SORBS2: variants seen among roughly 807,000 people sequenced by gnomAD.
SORBS2 encodes the protein sorbin and SH3 domain containing 2.
A neutral mutation model predicts 97.7 loss-of-function variants in SORBS2; 46 were observed. That is an observed-to-expected ratio of 0.47 (90% CI 0.37 to 0.60). The LOEUF (loss-of-function observed/expected upper bound fraction) is 0.60, where lower values mean the gene tolerates loss of function less well. SORBS2 is among the 20% of genes least tolerant of loss of function. SORBS2 has a pLI of 0.00. For missense variants in SORBS2, 1,316 were observed against 1,282.3 expected (o/e 1.03, Z -0.40); for synonymous variants, 476 against 473.4 (o/e 1.01, Z -0.07).
At chr4:185,711,144 AT>A (rs34177459) in intron 2 of SORBS2, among the ~76,000 whole-genome samples, 110,022 of 149,146 alleles carry the variant, frequency 0.74, 41,654 homozygotes, top group Non-Finnish European at 0.84. Context: ...AAATCTTTTC[AT>A]TTTTTTTTTG....
Position 185,703,156 on chromosome 4 carries a change from T to A in SORBS2, c.-197-24334A>T, listed in dbSNP as rs141037305. On this transcript the variant is annotated intron_variant, in intron 2 of 20. Transcript: ENST00000284776. Reference sequence around the variant, plus strand: ...TTTATATATTACATGTCTTTCTATATTATCTCCAGTGCCCTACCCTTGAGC... The same window carrying A: ...TTTATATATTACATGTCTTTCTATAATATCTCCAGTGCCCTACCCTTGAGC... Among the ~76,000 whole-genome samples the A allele has an allele frequency of 2.1e-3, 327 of 152,354 alleles. 1 individual carries two copies. Among genetic ancestry groups the A allele is most frequent in the African/African-American group, 7.0e-3 (293 of 41,584 alleles).
At chr4:185,589,464 A>C (rs2095868966) in intron 14 of SORBS2, among the ~76,000 whole-genome samples, 3 of 152,214 alleles carry the variant, frequency 2.0e-5, no homozygotes. Context: ...GTTGGAAATA[A>C]AGCTCGCAGA....
intron 2 of SORBS2, among the ~76,000 whole-genome samples, chr4:185,709,127 C>T (rs2098389192): frequency 6.6e-6 from 1 of 152,110 alleles, no homozygotes; most frequent in African/African-American, 2.4e-5. Flanking sequence ...AAGCGATTCT[C>T]CCTGCCTCAA....
At chr4:185,928,237 C>T (rs1208777019) in intron 1 of SORBS2, among the ~76,000 whole-genome samples, 4 of 152,128 alleles carry the variant, frequency 2.6e-5, no homozygotes, top group Admixed American at 2.0e-4. Context: ...GAGATCCTGT[C>T]TCTATAAAAA....
At chr4:185,947,385 T>C (rs1213857805) in intron 1 of SORBS2, among the ~76,000 whole-genome samples, 1 of 152,236 alleles carries the variant, frequency 6.6e-6, no homozygotes, top group East Asian at 1.9e-4. Context: ...TTGGAGGTGA[T>C]GTGAGGTCTT....
At chr4:185,849,099 A>G (rs563133994) in intron 1 of SORBS2, among the ~76,000 whole-genome samples, 2 of 152,188 alleles carry the variant, frequency 1.3e-5, no homozygotes, top group African/African-American at 4.8e-5. Context: ...ACCACCTCTT[A>G]TATAGCTGGC....
intron 1 of SORBS2, among the ~76,000 whole-genome samples, chr4:185,795,893 G>A (rs2099102486): frequency 6.6e-6 from 1 of 152,098 alleles, no homozygotes; most frequent in Admixed American, 6.6e-5. Context: ...ACAGAAACCT[G>A]GTGATTAAAC....
chr4:185,677,092 G>C, intron 4 of SORBS2: 1 of 1,551,650 alleles, frequency 6.4e-7, no homozygotes, highest in Non-Finnish European at 8.7e-7. Context: ...GAAAGCTCAG[G>C]TAGCTGTTTG....
At chr4:185,731,866 CTATATATA>C (rs544211866) in intron 2 of SORBS2, among the ~76,000 whole-genome samples, 846 of 24,412 alleles carry the variant, frequency 0.035, 9 homozygotes, top group Middle Eastern at 0.062. Context: ...CTCTCTCTCT[CTATATATA>C]TATATATATA....
At chr4:185,893,877 G>C (rs1001268494) in intron 1 of SORBS2, among the ~76,000 whole-genome samples, 1 of 152,166 alleles carries the variant, frequency 6.6e-6, no homozygotes, top group Non-Finnish European at 1.5e-5. Context: ...TGGGGTAAAA[G>C]TCTCTATCAG....
At chr4:185,928,865 G>C (rs2099265061) in intron 1 of SORBS2, among the ~76,000 whole-genome samples, 1 of 152,156 alleles carries the variant, frequency 6.6e-6, no homozygotes, top group African/African-American at 2.4e-5. Flanking sequence ...CTTCTTTCCA[G>C]CTTTCTTCAG....
intron 1 of SORBS2, chr4:185,811,229 T>A (rs1349333412): frequency 6.6e-6 from 1 of 152,132 alleles, no homozygotes; most frequent in Non-Finnish European, 1.5e-5. Context: ...CATAGCTGTG[T>A]TAAGAGTTAA....
At chr4:185,835,652 ATTTTTTTTT>A (rs5864964) in intron 1 of SORBS2, among the ~76,000 whole-genome samples, 11 of 122,232 alleles carry the variant, frequency 9.0e-5, no homozygotes, top group Admixed American at 6.0e-4. Flanking sequence ...TTTTGAAAGG[ATTTTTTTTT>A]TTTTTTTTTT....
At chr4:185,769,868 C>A (rs996244789) in intron 2 of SORBS2, among the ~76,000 whole-genome samples, 7 of 152,138 alleles carry the variant, frequency 4.6e-5, no homozygotes, top group African/African-American at 1.7e-4. Context: ...AACTGGGCAG[C>A]ACAGGAAAAA....
chr4:185,650,121 C>G (rs975996209), intron 2 of SORBS2, among the ~76,000 whole-genome samples: 2 of 152,190 alleles, frequency 1.3e-5, no homozygotes, highest in African/African-American at 4.8e-5. Flanking sequence ...ATATTGCACA[C>G]AGTTGTGTTT....
In SORBS2 at chr4:185,945,499, C is replaced by T. The variant is rs570933312; in HGVS notation, c.-338+10697G>A. On this transcript the variant is annotated intron_variant, in intron 1 of 20. Transcript: ENST00000284776. ...ATGATTCAAATCCCAAGTTATTTCC[C>T]GATCATTGCACAATTTTGGTAAACC... Among the ~76,000 whole-genome samples the T allele has an allele frequency of 9.7e-4, 148 of 152,250 alleles. 1 individual carries two copies. The highest frequency in any genetic ancestry group is 3.5e-3 in the African/African-American group (145 of 41,556).
At chr4:185,660,049 T>C (rs1433254287), upstream of SORBS2, among the ~76,000 whole-genome samples, 1 of 152,228 alleles carries the variant, frequency 6.6e-6, no homozygotes, top group Non-Finnish European at 1.5e-5. Flanking sequence ...AAGGTAGATG[T>C]ACATATTCCT....
At chr4:185,711,526 C>G (rs1054242250) in intron 2 of SORBS2, among the ~76,000 whole-genome samples, 1 of 152,130 alleles carries the variant, frequency 6.6e-6, no homozygotes, top group Non-Finnish European at 1.5e-5. Flanking sequence ...TCAAAGTGCC[C>G]ACAAAAACTG....
At chr4:185,852,744 C>T (rs778527946) in intron 1 of SORBS2, among the ~76,000 whole-genome samples, 24 of 152,286 alleles carry the variant, frequency 1.6e-4, no homozygotes, top group East Asian at 1.4e-3. Context: ...AGTCCACCCA[C>T]GACCCCAAGA....
Sources: allele counts gnomAD v4.1 joint callset (sites outside exome capture counted in the v4.1 genomes callset), GRCh38; gene constraint gnomAD v4.1.1; transcripts MANE v1.5; gene names NCBI Gene and HGNC (gene_info 2026-07-23, HGNC 2026-07-21).